The following NPR3 variants were observed in gnomAD, a reference collection of about 807,000 sequenced individuals.
NPR3 encodes the protein natriuretic peptide receptor 3.
A neutral mutation model predicts 54.5 loss-of-function variants in NPR3; 34 were observed. The observed-to-expected ratio is 0.62, with a 90% CI of 0.47 to 0.83. NPR3 has a LOEUF of 0.83. Among genes scored for constraint, NPR3 ranks in the 40% least tolerant of loss-of-function variants. The pLI, the probability that NPR3 is intolerant of heterozygous loss-of-function variation, is 0.00. For missense variants in NPR3, 674 were observed against 720.8 expected (o/e 0.94, Z 0.74); for synonymous variants, 289 against 297.1 (o/e 0.97, Z 0.28).
chr5:32,763,241 A>T (rs921594981), intron 3 of NPR3, among the ~76,000 whole-genome samples: 1 of 152,218 alleles, frequency 6.6e-6, no homozygotes, highest in African/African-American at 2.4e-5. Flanking sequence ...GTAGCCTTGT[A>T]GTATAGTTTG....
At chr5:32,779,084 G>C (rs1163637074) in intron 4 of NPR3, among the ~76,000 whole-genome samples, 1 of 152,182 alleles carries the variant, frequency 6.6e-6, no homozygotes, top group African/African-American at 2.4e-5. Flanking sequence ...CCAAAGTCTG[G>C]AAAAATCAAT....
At position 32,789,063 on chromosome 5, in the gene NPR3, C is replaced by T. The variant is rs191236307; in HGVS notation, c.*2718C>T. 183 of 169,640 alleles carry T rather than the reference C, an allele frequency of 1.1e-3. No individual in the cohort carries two copies. Among genetic ancestry groups the T allele is most frequent in the Middle Eastern group, 3.1e-3 (1 of 322 alleles). 10.5% of individuals were successfully genotyped at this position (169,640 alleles called of 1,614,324 possible). A position where few individuals can be genotyped will look rare whatever the true frequency, so the allele number is the denominator to read the frequency against. The stretch of plus-strand genomic sequence containing the variant: ...GTAATTCATACTCTACTAGTAGTCA[C>T]ATGTCATATAGTAAAATAAATAGGG... On this transcript the variant is annotated 3_prime_UTR_variant, in exon 8 of 8. Transcript: ENST00000265074.
chr5:32,749,366 AT>A (rs1183637343), intron 3 of NPR3, among the ~76,000 whole-genome samples: 7 of 151,924 alleles, frequency 4.6e-5, no homozygotes, highest in Non-Finnish European at 7.4e-5. Context: ...TTTCAAGTTC[AT>A]TTTTTTCTAT....
intron 4 of NPR3, among the ~76,000 whole-genome samples, chr5:32,777,213 C>G (rs755940409): frequency 1.3e-5 from 2 of 152,162 alleles, no homozygotes; most frequent in Non-Finnish European, 2.9e-5. Context: ...CATGATCTGC[C>G]TTGCCTGTTT....
chr5:32,769,408 G>A (rs1741637152), intron 3 of NPR3, among the ~76,000 whole-genome samples: 1 of 152,164 alleles, frequency 6.6e-6, no homozygotes, highest in Non-Finnish European at 1.5e-5. Flanking sequence ...TCAGGTCAGA[G>A]AAGGTGGTCC....
intron 1 of NPR3, among the ~76,000 whole-genome samples, chr5:32,691,359 G>A (rs1440521749): frequency 6.6e-6 from 1 of 152,184 alleles, no homozygotes; most frequent in African/African-American, 2.4e-5. Flanking sequence ...ATTTTACTTA[G>A]GGAAATCAAT....
intron 2 of NPR3, among the ~76,000 whole-genome samples, chr5:32,736,136 C>T (rs990633201): frequency 6.9e-5 from 10 of 144,720 alleles, no homozygotes; most frequent in South Asian, 4.5e-4. Flanking sequence ...GAGGCTGAGG[C>T]GGGAGAATTG....
chr5:32,705,821 G>A (rs896566008), upstream of NPR3, among the ~76,000 whole-genome samples: 1 of 152,136 alleles, frequency 6.6e-6, no homozygotes, highest in Admixed American at 6.5e-5. Context: ...TATCTCAATT[G>A]GTTCAGCTTC....
At chr5:32,764,172 A>G (rs1003119671) in intron 3 of NPR3, among the ~76,000 whole-genome samples, 3 of 152,106 alleles carry the variant, frequency 2.0e-5, no homozygotes, top group Non-Finnish European at 4.4e-5. Context: ...TCCTTCGTGC[A>G]TGTGCAGTTT....
chr5:32,784,750 A>G (rs768797013), intron 6 of NPR3, 46 bp from the exon 7 acceptor site: 1 of 1,456,526 alleles, frequency 6.9e-7, no homozygotes, highest in Admixed American at 1.7e-5. Flanking sequence ...GGCATTTCTA[A>G]CTGTATCTCC....
At chr5:32,729,697 A>G (rs1739358363) in intron 2 of NPR3, among the ~76,000 whole-genome samples, 1 of 152,210 alleles carries the variant, frequency 6.6e-6, no homozygotes, top group Non-Finnish European at 1.5e-5. Flanking sequence ...TTATAGCATG[A>G]TGGTATTTGG....
chr5:32,735,479 C>CAAAA lies in NPR3; in HGVS notation c.893-3373_893-3370dup, dbSNP rs10555665. Among the ~76,000 whole-genome samples, 828 of 127,020 alleles carry CAAAA rather than the reference C, an allele frequency of 6.5e-3. 3 individuals are homozygous for CAAAA. Among genetic ancestry groups the CAAAA allele is most frequent in the Non-Finnish European group, 8.4e-3 (489 of 58,306 alleles). The allele number at this position is 127,020 out of a possible 152,430, so 83.3% of individuals were successfully genotyped here. A position where few individuals can be genotyped will look rare whatever the true frequency, so the allele number is the denominator to read the frequency against. ...AAATTTACTATATTCAGAAAAATAC[C>CAAAA]AAAAAAAAAAAAAAAGGAAAAGAAA... is the stretch of plus-strand genomic sequence containing the variant. On this transcript the variant is annotated intron_variant, in intron 2 of 7. Transcript: ENST00000265074.
chr5:32,704,299 T>C (rs1403412989), intron 1 of NPR3, among the ~76,000 whole-genome samples: 3 of 152,102 alleles, frequency 2.0e-5, no homozygotes, highest in Non-Finnish European at 2.9e-5. Flanking sequence ...CTTTCAGTGA[T>C]ATGAAATGAA....
intron 5 of NPR3, among the ~76,000 whole-genome samples, chr5:32,781,252 G>A (rs1387203470): frequency 1.3e-5 from 2 of 151,976 alleles, no homozygotes; most frequent in East Asian, 3.9e-4. Flanking sequence ...CCGTGCTTGG[G>A]AGTGTGAACT....
At chr5:32,754,785 A>G (rs191877780) in intron 3 of NPR3, among the ~76,000 whole-genome samples, 2 of 152,320 alleles carry the variant, frequency 1.3e-5, no homozygotes, top group Admixed American at 1.3e-4. Context: ...TCTTCTACCC[A>G]GATATCTCTA....
At chr5:32,691,275 T>G (rs759666142) in intron 1 of NPR3, among the ~76,000 whole-genome samples, 26 of 152,224 alleles carry the variant, frequency 1.7e-4, no homozygotes, top group Non-Finnish European at 3.4e-4. Flanking sequence ...TGTTTACTTG[T>G]TTTTGGACAT....
intron 3 of NPR3, among the ~76,000 whole-genome samples, chr5:32,770,316 G>C (rs1741688994): frequency 1.3e-5 from 2 of 152,064 alleles, no homozygotes; most frequent in South Asian, 4.2e-4. Flanking sequence ...TGTAATCCCA[G>C]CTACTTGTGG....
intron 3 of NPR3, among the ~76,000 whole-genome samples, chr5:32,756,746 T>G (rs917169704): frequency 6.6e-6 from 1 of 152,224 alleles, no homozygotes; most frequent in African/African-American, 2.4e-5. Flanking sequence ...GGTCTAACAT[T>G]TAAGTCTTTA....
At chr5:32,747,281 T>C (rs1005418677) in intron 3 of NPR3, among the ~76,000 whole-genome samples, 4 of 152,232 alleles carry the variant, frequency 2.6e-5, no homozygotes, top group African/African-American at 7.2e-5. Flanking sequence ...AGCTCTTTTA[T>C]GTACTCTTTC....
Sources: allele counts gnomAD v4.1 joint callset (sites outside exome capture counted in the v4.1 genomes callset), GRCh38; gene constraint gnomAD v4.1.1; transcripts MANE v1.5; gene names NCBI Gene and HGNC (gene_info 2026-07-23, HGNC 2026-07-21).